PCDHGA2: variants seen among roughly 807,000 people sequenced by gnomAD.
The protein encoded by PCDHGA2 is protocadherin gamma subfamily A, 2, also known as protocadherin gamma-A2.
Under a neutral mutation model 59.2 loss-of-function variants are expected in PCDHGA2, and 40 were observed. The ratio of observed to expected loss-of-function variants is 0.68; its 90% CI spans 0.52 to 0.88. The LOEUF is 0.88. PCDHGA2 is among the 40% of genes least tolerant of loss of function. The pLI is 0.00. For missense variants in PCDHGA2, 1,226 were observed against 1,204.0 expected, an observed-to-expected ratio of 1.02 and a Z score of -0.27; for synonymous variants, 560 against 526.0, an observed-to-expected ratio of 1.06 and a Z score of -0.89.
intron 1 of PCDHGA2, chr5:141,405,642 T>C (rs2094697537): frequency 1.9e-6 from 1 of 528,606 alleles, no homozygotes; most frequent in Non-Finnish European, 3.3e-6. Flanking sequence ...GCCCGGCTAA[T>C]TTTTTGTGTG....
intron 1 of PCDHGA2, chr5:141,405,091 C>G (rs761186505): frequency 8.1e-6 from 13 of 1,613,814 alleles, no homozygotes; most frequent in Non-Finnish European, 1.1e-5. Flanking sequence ...CGCTGCTGGC[C>G]CTCAGGCTGA....
rs367846497 is a variant in PCDHGA2 at position 141,359,217 on chromosome 5, C to A, written c.2424+17822C>A. Among the ~76,000 whole-genome samples, 5 of 152,158 alleles carry A rather than the reference C, an allele frequency of 3.3e-5. No homozygotes were observed. In the East Asian group the frequency reaches 5.8e-4, roughly 18 times the overall value. Reference sequence around the variant, plus strand: ...CAAGTGAATGTTGAGAGACAACTTACATCTGAGGAGAGATTGTTTAAAGTA... The same window carrying A: ...CAAGTGAATGTTGAGAGACAACTTAAATCTGAGGAGAGATTGTTTAAAGTA... On this transcript the variant is annotated intron_variant, in intron 1 of 3. Transcript: ENST00000394576.
chr5:141,466,975 A>G (rs769024064), intron 1 of PCDHGA2, among the ~76,000 whole-genome samples: 1 of 151,842 alleles, frequency 6.6e-6, no homozygotes, highest in Non-Finnish European at 1.5e-5. Flanking sequence ...CTCACAGCTC[A>G]TCATTTACCT....
At chr5:141,499,399 C>A (rs2099791676) in intron 2 of PCDHGA2, among the ~76,000 whole-genome samples, 1 of 152,072 alleles carries the variant, frequency 6.6e-6, no homozygotes, top group Non-Finnish European at 1.5e-5. Flanking sequence ...ATAGTACATG[C>A]TCATTATAGA....
rs568542355 is a variant in PCDHGA2, at chr5:141,431,678, T to C, written c.2425-63129T>C. 4 of 1,614,084 alleles carry C rather than the reference T, an allele frequency of 2.5e-6. No individual in the cohort carries two copies. Among genetic ancestry groups the C allele is most frequent in the African/African-American group, 2.7e-5 (2 of 75,012 alleles). ...AGGGACAATATCAACAATAGGGGAG[T>C]TGGACCACGAGGAGTCAGGATTCTA... On this transcript the variant is annotated intron_variant, in intron 1 of 3. Transcript: ENST00000394576. The surrounding 1 kb of genome is among the most constrained non-coding windows in gnomAD (Gnocchi z 4.8).
chr5:141,344,777 T>G, intron 1 of PCDHGA2: 1 of 1,613,952 alleles, frequency 6.2e-7, no homozygotes, highest in Admixed American at 1.7e-5. Context: ...CTGAGTACCG[T>G]GTGAGTGTTT....
rs745716373 is a variant in PCDHGA2, at chr5:141,383,166, G to A, written c.2424+41771G>A. 10 of 1,614,130 alleles carry A rather than the reference G, an allele frequency of 6.2e-6. No individual in the cohort carries two copies. In the Admixed American group the frequency reaches 1.3e-4, roughly 22 times the overall value. On this transcript the variant is annotated intron_variant, in intron 1 of 3. Coordinates refer to ENST00000394576, the MANE Select transcript of PCDHGA2 (RefSeq NM_018915.4). ...GCGGCAGCTTGGTCACTGCGGGCAG[G>A]ATAGACCGGGAAGAGATCTGCGCTC...
chr5:141,393,452 G>T lies in PCDHGA2; in HGVS notation c.2424+52057G>T, dbSNP rs189963623. 9.0e-3 allele frequency: 14,601 copies of T among 1,614,028 alleles called. 101 individuals are homozygous for T. The highest frequency in any genetic ancestry group is 0.01 in the Non-Finnish European group (11,851 of 1,179,906). ...AGGCTGCTCACCACCTGGTCCTCACGGCCTCGGATGGCGGCAAGCCGCCTC... is the reference window on the plus strand; with the variant it reads ...AGGCTGCTCACCACCTGGTCCTCACTGCCTCGGATGGCGGCAAGCCGCCTC... On this transcript the variant is annotated intron_variant, in intron 1 of 3. Coordinates refer to ENST00000394576, the MANE Select transcript of PCDHGA2 (RefSeq NM_018915.4).
chr5:141,395,788 C>A (rs1254748153), intron 1 of PCDHGA2: 2 of 152,198 alleles, frequency 1.3e-5, no homozygotes, highest in African/African-American at 4.8e-5. Context: ...AACTTTAATA[C>A]TTCTTACCAT....
At chr5:141,501,510 T>G (rs11744379) in intron 2 of PCDHGA2, among the ~76,000 whole-genome samples, 29,206 of 151,772 alleles carry the variant, frequency 0.19, 2,837 homozygotes, top group Middle Eastern at 0.24. Context: ...CTCCAAGGCC[T>G]CCAAGCTGAA....
At position 141,347,613 on chromosome 5, in the gene PCDHGA2, C is replaced by G. The variant is rs537154488; in HGVS notation, c.2424+6218C>G. On this transcript the variant is annotated intron_variant, in intron 1 of 3. Coordinates refer to ENST00000394576, the MANE Select transcript of PCDHGA2 (RefSeq NM_018915.4). ...AACACCCTGGCCAACATGGTGAAAG[C>G]CTGTCTCTACTAAAAATACAAAAAT... Among the ~76,000 whole-genome samples the G allele has an allele frequency of 2.0e-5, 3 of 152,124 alleles. No homozygotes were observed. In the South Asian group the frequency reaches 6.2e-4, roughly 32 times the overall value.
chr5:141,341,549 G>A, intron 1 of PCDHGA2, 154 bp downstream of exon 1: 2 of 1,411,042 alleles, frequency 1.4e-6, no homozygotes, highest in Non-Finnish European at 1.9e-6. Context: ...GTAGGTCTTA[G>A]TGTTCACAGG....
chr5:141,466,669 C>T lies in PCDHGA2; in HGVS notation c.2425-28138C>T, dbSNP rs529252130. The stretch of plus-strand genomic sequence containing the variant: ...TTTCACAAAACATCAGTGATTTCAC[C>T]GTTCTTCCACTCAAGCTTCATCATA... On this transcript the variant is annotated intron_variant, in intron 1 of 3. Transcript: ENST00000394576. Among the ~76,000 whole-genome samples the T allele has an allele frequency of 8.5e-5, 13 of 152,278 alleles. No homozygotes were observed. The East Asian group carries it at 9.6e-4, about 11-fold the overall frequency.
intron 1 of PCDHGA2, chr5:141,396,003 T>G (rs749303972): frequency 2.0e-5 from 3 of 152,232 alleles, no homozygotes; most frequent in Admixed American, 6.5e-5. Flanking sequence ...TTTAAACTGT[T>G]GAAAGTGACT....
intron 1 of PCDHGA2, chr5:141,420,307 A>G (rs2096487660): frequency 1.5e-5 from 22 of 1,459,622 alleles, no homozygotes; most frequent in Non-Finnish European, 1.8e-5. Flanking sequence ...AATCCTTTTT[A>G]TATTACAATA....
chr5:141,394,580 C>G, intron 1 of PCDHGA2: 1 of 1,613,914 alleles, frequency 6.2e-7, no homozygotes, highest in Non-Finnish European at 8.5e-7. Flanking sequence ...ACCTGGTGAC[C>G]AAGGTGGTGG....
chr5:141,374,734 C>A, intron 1 of PCDHGA2: 1 of 1,610,164 alleles, frequency 6.2e-7, no homozygotes, highest in East Asian at 2.2e-5. Flanking sequence ...CCATGGATGG[C>A]GGCGACCCTG....
At chr5:141,451,526 G>T (rs896029145) in intron 1 of PCDHGA2, among the ~76,000 whole-genome samples, 1 of 152,168 alleles carries the variant, frequency 6.6e-6, no homozygotes, top group African/African-American at 2.4e-5. Flanking sequence ...GCAAGTAAAG[G>T]AGAGTGCCAG....
chr5:141,427,829 G>C, intron 1 of PCDHGA2: 1 of 1,538,520 alleles, frequency 6.5e-7, no homozygotes. Flanking sequence ...TGGTCGCGCA[G>C]CGTGCCTTCG....
Sources: allele counts gnomAD v4.1 joint callset (sites outside exome capture counted in the v4.1 genomes callset), GRCh38; gene constraint gnomAD v4.1.1; non-coding constraint Gnocchi (gnomAD v3.1); transcripts MANE v1.5; gene names NCBI Gene and HGNC (gene_info 2026-07-23, HGNC 2026-07-21).